CLOCK: variants seen among roughly 807,000 people sequenced by gnomAD.
CLOCK encodes the protein circadian locomoter output cycles protein kaput.
In CLOCK, 43 loss-of-function variants were observed where a neutral mutation model predicts 118.4. That is an observed-to-expected ratio of 0.36 (90% CI 0.28 to 0.47). The LOEUF is 0.47. CLOCK is among the 20% of genes least tolerant of loss of function. The pLI is 1.00. For missense variants in CLOCK, 846 were observed against 999.9 expected (o/e 0.85, Z 2.08); for synonymous variants, 326 against 339.2 (o/e 0.96, Z 0.43).
chr4:55,468,383 C>T (rs376494743), intron 8 of CLOCK, among the ~76,000 whole-genome samples: 53 of 152,176 alleles, frequency 3.5e-4, no homozygotes, highest in African/African-American at 1.2e-3. Flanking sequence ...AGCTGTGGCA[C>T]AGCACCTAGC....
intron 3 of CLOCK, among the ~76,000 whole-genome samples, chr4:55,484,139 G>C (rs1450353827): frequency 6.6e-6 from 1 of 152,136 alleles, no homozygotes; most frequent in Non-Finnish European, 1.5e-5. Context: ...TTGCTGCATT[G>C]CCTGTATGGT....
intron 2 of CLOCK, among the ~76,000 whole-genome samples, chr4:55,507,205 C>G (rs1728863588): frequency 6.6e-6 from 1 of 152,104 alleles, no homozygotes; most frequent in African/African-American, 2.4e-5. Flanking sequence ...GTCTCAGCTA[C>G]TCAGGAGGCT....
At chr4:55,448,712 A>T in intron 18 of CLOCK, 67 bp downstream of exon 18, 1 of 1,389,178 alleles carries the variant, frequency 7.2e-7, no homozygotes, top group South Asian at 1.2e-5. Context: ...TTTTTAAAAA[A>T]ATTACATTAG....
chr4:55,540,369 G>C (rs1731180563), intron 1 of CLOCK: 1 of 150,020 alleles, frequency 6.7e-6, no homozygotes, highest in Non-Finnish European at 1.5e-5. Context: ...TTTTTAATTG[G>C]GGGCAAGAGA....
At chr4:55,490,376 A>C (rs1727588323) in intron 2 of CLOCK, among the ~76,000 whole-genome samples, 1 of 152,112 alleles carries the variant, frequency 6.6e-6, no homozygotes, top group African/African-American at 2.4e-5. Context: ...TTAAGCAAAC[A>C]TCAATAGAAC....
chr4:55,459,764 G>GT (rs1187835701), intron 9 of CLOCK, among the ~76,000 whole-genome samples: 2 of 152,128 alleles, frequency 1.3e-5, no homozygotes, highest in Admixed American at 6.6e-5. Flanking sequence ...CTGGGCTCAA[G>GT]TGAGCCCCCT....
chr4:55,466,688 C>T (rs948129268), intron 8 of CLOCK, among the ~76,000 whole-genome samples: 1 of 152,032 alleles, frequency 6.6e-6, no homozygotes, highest in Non-Finnish European at 1.5e-5. Context: ...CAATGCCTGC[C>T]CCAACAATTC....
chr4:55,435,161 C>T lies in CLOCK; in HGVS notation c.*254G>A. On this transcript the variant is annotated 3_prime_UTR_variant, in exon 23 of 23. Transcript: ENST00000513440. The stretch of plus-strand genomic sequence containing the variant: ...ATTTGGCAATATATTCTTTTTCCAT[C>T]AAAAAATATCCAGGCACCTAAAACA... 1 of 500,288 alleles carries T rather than the reference C, an allele frequency of 2.0e-6. No individual in the cohort carries two copies. 31.0% of individuals were successfully genotyped at this position (500,288 alleles called of 1,614,324 possible).
At chr4:55,457,970 C>T (rs1725032881) in intron 11 of CLOCK, among the ~76,000 whole-genome samples, 1 of 152,230 alleles carries the variant, frequency 6.6e-6, no homozygotes, top group African/African-American at 2.4e-5. Flanking sequence ...ATGTAGTAAG[C>T]ACTCAAATGT....
intron 22 of CLOCK, among the ~76,000 whole-genome samples, chr4:55,435,886 G>A (rs897313307): frequency 1.3e-5 from 2 of 152,126 alleles, no homozygotes; most frequent in Non-Finnish European, 2.9e-5. Flanking sequence ...TTCACTTTAT[G>A]TCCTAAAGAC....
intron 3 of CLOCK, among the ~76,000 whole-genome samples, chr4:55,486,807 G>C (rs1205636866): frequency 6.6e-6 from 1 of 152,092 alleles, no homozygotes; most frequent in African/African-American, 2.4e-5. Context: ...TTCTAAAATT[G>C]AACAGTGATG....
intron 2 of CLOCK, among the ~76,000 whole-genome samples, chr4:55,497,102 T>G (rs1006351109): frequency 6.6e-6 from 1 of 152,174 alleles, no homozygotes; most frequent in Non-Finnish European, 1.5e-5. Flanking sequence ...GAGAGCCCAA[T>G]ATAGGTCTCA....
intron 1 of CLOCK, among the ~76,000 whole-genome samples, chr4:55,535,645 A>G (rs2110100609): frequency 6.6e-6 from 1 of 152,282 alleles, no homozygotes; most frequent in South Asian, 2.1e-4. Flanking sequence ...ACAACTTAAA[A>G]AGCTAAATAA....
At chr4:55,452,014 CT>C (rs1724503543) in intron 15 of CLOCK, among the ~76,000 whole-genome samples, 1 of 152,152 alleles carries the variant, frequency 6.6e-6, no homozygotes, top group African/African-American at 2.4e-5. Flanking sequence ...ATTTTTGACT[CT>C]TTTCATTCTA....
At chr4:55,464,750 A>C (rs571616485) in intron 8 of CLOCK, among the ~76,000 whole-genome samples, 11 of 152,362 alleles carry the variant, frequency 7.2e-5, no homozygotes, top group Admixed American at 7.2e-4. Flanking sequence ...AACATACAAC[A>C]ACAAACAGAG....
chr4:55,447,553 G>C (rs1262675379), intron 18 of CLOCK, among the ~76,000 whole-genome samples: 2 of 152,080 alleles, frequency 1.3e-5, no homozygotes, highest in Admixed American at 6.5e-5. Flanking sequence ...AGACCTAAGA[G>C]GCAAAGCATT....
At position 55,433,672 on chromosome 4, in the gene CLOCK, T is replaced by C. The variant is rs1722668535; in HGVS notation, c.*1743A>G. On this transcript the variant is annotated 3_prime_UTR_variant, in exon 23 of 23. Coordinates refer to ENST00000513440, the MANE Select transcript of CLOCK (RefSeq NM_004898.4). ...ACATTTTTTATATTCTAATAATGTATTTTCTACTAATCCTCTTTTGTTCTA... is the reference window on the plus strand; with the variant it reads ...ACATTTTTTATATTCTAATAATGTACTTTCTACTAATCCTCTTTTGTTCTA... The C allele has an allele frequency of 6.6e-6, 1 of 152,228 alleles. No individual in the cohort carries two copies. The highest frequency in any genetic ancestry group is 2.1e-4 in the South Asian group (1 of 4,838). 9.4% of individuals were successfully genotyped at this position (152,228 alleles called of 1,614,324 possible).
rs368404675 is a variant in CLOCK at position 55,447,502 on chromosome 4, G to A, written c.1539+1277C>T. 2.0e-4 allele frequency among the ~76,000 whole-genome samples: 30 copies of A among 152,262 alleles called. No homozygotes were observed. In the East Asian group the frequency reaches 4.6e-3, roughly 23 times the overall value. ...TTTCTATCAAGTACAAAAGAAAATA[G>A]TAACAAACACAGAAGGTAGGATAAC... On this transcript the variant is annotated intron_variant, in intron 18 of 22. Coordinates refer to ENST00000513440, the MANE Select transcript of CLOCK (RefSeq NM_004898.4).
In CLOCK at chr4:55,432,062, T is replaced by C. The variant is rs1380827941; in HGVS notation, c.*3353A>G. On this transcript the variant is annotated 3_prime_UTR_variant, in exon 23 of 23. Transcript: ENST00000513440. ...AAACTATTCCAAATCACTGGCATCTTGTTATTACTATTCCATTCCTAAGCC... is the reference window on the plus strand; with the variant it reads ...AAACTATTCCAAATCACTGGCATCTCGTTATTACTATTCCATTCCTAAGCC... 1.3e-5 allele frequency: 2 copies of C among 152,222 alleles called. No homozygotes were observed. The highest frequency in any genetic ancestry group is 4.8e-5 in the African/African-American group (2 of 41,456). 9.4% of individuals were successfully genotyped at this position (152,222 alleles called of 1,614,324 possible).
Sources: allele counts gnomAD v4.1 joint callset (sites outside exome capture counted in the v4.1 genomes callset), GRCh38; gene constraint gnomAD v4.1.1; transcripts MANE v1.5; gene names NCBI Gene and HGNC (gene_info 2026-07-23, HGNC 2026-07-21).